Variants in TMPRSS15 observed in about 807,000 individuals in gnomAD.
The protein encoded by TMPRSS15 is enteropeptidase.
TMPRSS15 carries 128 observed loss-of-function variants against 125.3 expected under a neutral mutation model. The observed-to-expected ratio is 1.02, with a 90% confidence interval of 0.89 to 1.18. TMPRSS15 has a LOEUF of 1.18. Among genes scored for constraint, TMPRSS15 ranks in the 50% most tolerant of loss-of-function variants. TMPRSS15 has a pLI of 0.00. For synonymous variants in TMPRSS15, 446 were observed against 423.2 expected (o/e 1.05, Z -0.66); for missense variants, 1,283 against 1,212.7 (o/e 1.06, Z -0.86).
At chr21:18,398,678 G>A (rs2076065318) in intron 1 of TMPRSS15, among the ~76,000 whole-genome samples, 1 of 152,120 alleles carries the variant, frequency 6.6e-6, no homozygotes, top group South Asian at 2.1e-4. Context: ...CATGGGAAGT[G>A]ACTCAGGGAA....
At chr21:18,421,744 G>A (rs924877953) in intron 1 of TMPRSS15, among the ~76,000 whole-genome samples, 2 of 152,126 alleles carry the variant, frequency 1.3e-5, no homozygotes, top group African/African-American at 2.4e-5. Context: ...TGTAAGACAT[G>A]AATAAGATTT....
intron 14 of TMPRSS15, among the ~76,000 whole-genome samples, chr21:18,331,226 T>C (rs1373567687): frequency 6.6e-6 from 1 of 152,222 alleles, no homozygotes; most frequent in Non-Finnish European, 1.5e-5. Flanking sequence ...AGTGATGCTC[T>C]CTTATCTCTT....
At chr21:18,305,210 A>G (rs924641373) in intron 18 of TMPRSS15, among the ~76,000 whole-genome samples, 2 of 16,850 alleles carry the variant, frequency 1.2e-4, no homozygotes, top group Admixed American at 6.2e-4. Flanking sequence ...TTTTTTTGAG[A>G]CGGAGTCTCC....
intron 13 of TMPRSS15, among the ~76,000 whole-genome samples, chr21:18,332,616 G>GA (rs1330304136): frequency 1.3e-5 from 2 of 152,090 alleles, no homozygotes; most frequent in East Asian, 1.9e-4. Flanking sequence ...CAGTTTGTGG[G>GA]AAAAAATGAA....
intron 1 of TMPRSS15, among the ~76,000 whole-genome samples, chr21:18,482,534 C>T (rs1979001131): frequency 6.6e-6 from 1 of 151,506 alleles, no homozygotes. Context: ...TAACAAAATA[C>T]CACATGCACC....
At chr21:18,289,935 G>A (rs1049201595) in intron 21 of TMPRSS15, among the ~76,000 whole-genome samples, 1 of 152,174 alleles carries the variant, frequency 6.6e-6, no homozygotes, top group Non-Finnish European at 1.5e-5. Flanking sequence ...AAAATGCATC[G>A]ATTTGTATAC....
intron 6 of TMPRSS15, among the ~76,000 whole-genome samples, chr21:18,367,710 T>G (rs1293620234): frequency 1.3e-5 from 2 of 152,204 alleles, no homozygotes; most frequent in African/African-American, 4.8e-5. Flanking sequence ...ATAGAGTGTT[T>G]ACTATGTGCC....
At chr21:18,303,680 C>G (rs2074998820) in intron 18 of TMPRSS15, among the ~76,000 whole-genome samples, 1 of 152,100 alleles carries the variant, frequency 6.6e-6, no homozygotes, top group Non-Finnish European at 1.5e-5. Flanking sequence ...AACATACTCT[C>G]TTGTTTTTAT....
At chr21:18,336,597 T>C (rs1381246646) in intron 13 of TMPRSS15, among the ~76,000 whole-genome samples, 1 of 152,210 alleles carries the variant, frequency 6.6e-6, no homozygotes, top group African/African-American at 2.4e-5. Flanking sequence ...CTCTGTACTC[T>C]AAATTTGGTT....
intron 16 of TMPRSS15, among the ~76,000 whole-genome samples, chr21:18,318,901 G>A (rs1031312817): frequency 2.5e-4 from 38 of 151,930 alleles, no homozygotes; most frequent in African/African-American, 8.2e-4. Context: ...CACAAAGCAG[G>A]GAATAAGTAG....
chr21:18,313,060 T>C lies in TMPRSS15; in HGVS notation c.2050A>G (p.Thr684Ala). 1 of 1,613,980 alleles carries C rather than the reference T, an allele frequency of 6.2e-7. No homozygotes were observed. The highest frequency in any genetic ancestry group is 8.5e-7 in the Non-Finnish European group (1 of 1,179,930). ...EADCVRFFNG[T>A]TNNNGLVRFR... ...CGCACTAAACCATTGTTGTTCGTTGTGCCATTGAAAAAACGCACTAAAGAC... is the reference window on the plus strand; with the variant it reads ...CGCACTAAACCATTGTTGTTCGTTGCGCCATTGAAAAAACGCACTAAAGAC... Residue 684 changes from threonine (T) to alanine (A), a missense_variant, in exon 18 of 25, where the codon ACA becomes GCA. Coordinates refer to ENST00000284885, the MANE Select transcript of TMPRSS15 (RefSeq NM_002772.3).
intron 1 of TMPRSS15, among the ~76,000 whole-genome samples, chr21:18,460,987 T>TC (rs1978540828): frequency 6.6e-6 from 1 of 152,310 alleles, no homozygotes; most frequent in Admixed American, 6.5e-5. Flanking sequence ...CAGCCTGATT[T>TC]CCCCATAGAA....
chr21:18,462,383 G>GT (rs1432725907), intron 1 of TMPRSS15, among the ~76,000 whole-genome samples: 5 of 151,862 alleles, frequency 3.3e-5, no homozygotes, highest in Admixed American at 6.6e-5. Context: ...TGGAATTGCT[G>GT]TTTTTTTAAC....
chr21:18,452,038 A>C (rs1192866202), intron 1 of TMPRSS15, among the ~76,000 whole-genome samples: 3 of 152,082 alleles, frequency 2.0e-5, no homozygotes, highest in African/African-American at 7.2e-5. Context: ...TTTACTCGAG[A>C]TCAATAGCTA....
chr21:18,357,703 T>C (rs940092693), intron 8 of TMPRSS15, among the ~76,000 whole-genome samples: 2 of 151,776 alleles, frequency 1.3e-5, no homozygotes, highest in Non-Finnish European at 3.0e-5. Context: ...ACAAATTAAC[T>C]TTACACTTAT....
At chr21:18,313,240 A>G (rs937013876) in intron 17 of TMPRSS15, among the ~76,000 whole-genome samples, 163 bp from the exon 18 acceptor site, 1 of 152,094 alleles carries the variant, frequency 6.6e-6, no homozygotes, top group African/African-American at 2.4e-5. Context: ...TGTATTGTAT[A>G]TTTCAAAATT....
At chr21:18,431,184 T>C (rs138283961) in intron 1 of TMPRSS15, among the ~76,000 whole-genome samples, 1,536 of 152,300 alleles carry the variant, frequency 0.01, 28 homozygotes, top group African/African-American at 0.035. Context: ...AATAAAAATT[T>C]GTGCTCCATC....
At chr21:18,423,515 T>G (rs940845150) in intron 1 of TMPRSS15, among the ~76,000 whole-genome samples, 1 of 151,446 alleles carries the variant, frequency 6.6e-6, no homozygotes, top group African/African-American at 2.4e-5. Context: ...TTCAGGCCAT[T>G]CTCCTGCCTC....
intron 1 of TMPRSS15, among the ~76,000 whole-genome samples, chr21:18,402,137 A>C (rs1488387593): frequency 6.6e-6 from 1 of 152,202 alleles, no homozygotes; most frequent in Non-Finnish European, 1.5e-5. Context: ...AAATTATTTA[A>C]TAAAACTATG....
Sources: gnomAD v4.1 joint callset for allele counts (sites outside exome capture counted in the v4.1 genomes callset) on GRCh38, gnomAD v4.1.1 for gene constraint, MANE v1.5 for transcripts, NCBI Gene and HGNC (gene_info 2026-07-23, HGNC 2026-07-21) for gene names.